Variants in CEP128 observed in about 807,000 individuals in gnomAD.
CEP128 encodes centrosomal protein 128, also known as centrosomal protein 128kDa.
A neutral mutation model predicts 156.7 loss-of-function variants in CEP128; 132 were observed. That is an observed-to-expected ratio of 0.84 (90% CI 0.73 to 0.97). The LOEUF is 0.97. Among genes scored for constraint, CEP128 ranks in the 50% least tolerant of loss-of-function variants. CEP128 has a pLI of 0.00. For missense variants in CEP128, 1,252 were observed against 1,281.9 expected (o/e 0.98, Z 0.36); for synonymous variants, 469 against 448.9 (o/e 1.04, Z -0.57).
chr14:80,572,118 G>C (rs186987084), intron 20 of CEP128, among the ~76,000 whole-genome samples: 3 of 152,280 alleles, frequency 2.0e-5, no homozygotes, highest in Admixed American at 6.5e-5. Flanking sequence ...ATCCTGACGG[G>C]AGTTAGCAAG....
rs1482923532 is a variant in CEP128, at chr14:80,713,668, CCT to C, written c.2806+29405_2806+29406del. Among the ~76,000 whole-genome samples, 3 of 152,238 alleles carry C rather than the reference CCT, an allele frequency of 2.0e-5. No homozygotes were observed. The South Asian group carries it at 6.2e-4, about 32-fold the overall frequency. On this transcript the variant is annotated intron_variant, in intron 19 of 24. Coordinates refer to ENST00000555265, the MANE Select transcript of CEP128 (RefSeq NM_152446.5). ...AAGGTCTTATTGTTCTTTAATCTCCCCTGTTTTGCACATAGTAGATTGATTGT... is the reference window on the plus strand; with the variant it reads ...AAGGTCTTATTGTTCTTTAATCTCCCGTTTTGCACATAGTAGATTGATTGT...
At position 80,596,848 on chromosome 14, in the gene CEP128, G is replaced by T. The variant is rs1327169982; in HGVS notation, c.2807-16425C>A. ...AAAAAAAAAAAAAAAAAAAAGGTGG[G>T]GGGGGGAGGAAAAGAAAAAGAAAAT... On this transcript the variant is annotated intron_variant, in intron 19 of 24. Transcript: ENST00000555265. 2.5e-5 allele frequency among the ~76,000 whole-genome samples: 3 copies of T among 119,836 alleles called. No individual in the cohort carries two copies. In the South Asian group the frequency reaches 7.8e-4, roughly 31 times the overall value. The allele number at this position is 119,836 out of a possible 152,430, so 78.6% of individuals were successfully genotyped here.
chr14:80,660,774 C>T (rs1479608411), intron 19 of CEP128, among the ~76,000 whole-genome samples: 1 of 152,150 alleles, frequency 6.6e-6, no homozygotes, highest in African/African-American at 2.4e-5. Context: ...CTCAAAGTCA[C>T]ATAGCAAGTG....
At chr14:80,619,702 C>T (rs1271151786) in intron 19 of CEP128, among the ~76,000 whole-genome samples, 10 of 119,526 alleles carry the variant, frequency 8.4e-5, no homozygotes, top group African/African-American at 2.7e-4. Flanking sequence ...AACTCTGTCT[C>T]AAGTTAAAAA....
At chr14:80,942,451 T>TA (rs889640630), upstream of CEP128, 3 of 152,170 alleles carry the variant, frequency 2.0e-5, no homozygotes, top group African/African-American at 4.8e-5. Flanking sequence ...AAAACCTCAA[T>TA]AAAAAACTGA....
At chr14:80,506,585 C>T (rs1887987074) in intron 23 of CEP128, among the ~76,000 whole-genome samples, 1 of 151,588 alleles carries the variant, frequency 6.6e-6, no homozygotes, top group Non-Finnish European at 1.5e-5. Context: ...GTTAGGTGGC[C>T]CAGAAAGATT....
At chr14:80,658,842 C>A (rs896278987) in intron 19 of CEP128, among the ~76,000 whole-genome samples, 2 of 152,160 alleles carry the variant, frequency 1.3e-5, no homozygotes, top group African/African-American at 4.8e-5. Flanking sequence ...AGCTACGAAG[C>A]TTTTCTACCA....
At chr14:80,599,883 T>C (rs546791623) in intron 19 of CEP128, among the ~76,000 whole-genome samples, 5 of 152,066 alleles carry the variant, frequency 3.3e-5, no homozygotes, top group Non-Finnish European at 7.4e-5. Context: ...GTAGAGAAAC[T>C]GAAATTTAAA....
chr14:80,835,370 A>G (rs1295378573), intron 12 of CEP128, among the ~76,000 whole-genome samples: 1 of 152,204 alleles, frequency 6.6e-6, no homozygotes, highest in African/African-American at 2.4e-5. Flanking sequence ...TCATCCATTG[A>G]AGATTTTCTG....
In CEP128 at chr14:80,875,210, C is replaced by T. The variant is rs1169027310; in HGVS notation, c.646-12337G>A. On this transcript the variant is annotated intron_variant, in intron 8 of 24. Transcript: ENST00000555265. Reference sequence around the variant, plus strand: ...TGGACTGGAATCCTGAAGGGCTATACGCAAGTAGTAAGGGTGAACCAGAAA... The same window carrying T: ...TGGACTGGAATCCTGAAGGGCTATATGCAAGTAGTAAGGGTGAACCAGAAA... Among the ~76,000 whole-genome samples the T allele has an allele frequency of 3.9e-5, 6 of 152,138 alleles. No individual in the cohort carries two copies. The East Asian group carries it at 9.6e-4, about 24-fold the overall frequency.
chr14:80,639,954 TC>T (rs1318517918), intron 19 of CEP128, among the ~76,000 whole-genome samples: 1 of 152,174 alleles, frequency 6.6e-6, no homozygotes, highest in Non-Finnish European at 1.5e-5. Flanking sequence ...AAGTGACTTT[TC>T]CATGAACTGA....
intron 8 of CEP128, among the ~76,000 whole-genome samples, chr14:80,889,842 C>T (rs1595552832): frequency 6.6e-6 from 1 of 152,078 alleles, no homozygotes; most frequent in Non-Finnish European, 1.5e-5. Flanking sequence ...AACAGGCAAC[C>T]TACAGAATGG....
chr14:80,626,796 G>A (rs1893749620), intron 19 of CEP128, among the ~76,000 whole-genome samples: 2 of 152,248 alleles, frequency 1.3e-5, no homozygotes, highest in African/African-American at 4.8e-5. Context: ...TAGATGTGGT[G>A]GCGGGCACCT....
At chr14:80,548,537 A>C (rs1890082992) in intron 21 of CEP128, among the ~76,000 whole-genome samples, 1 of 152,198 alleles carries the variant, frequency 6.6e-6, no homozygotes, top group South Asian at 2.1e-4. Context: ...AGGCTCTCTT[A>C]AAGAGAGCAG....
intron 19 of CEP128, among the ~76,000 whole-genome samples, chr14:80,669,582 A>G (rs1328559559): frequency 1.3e-5 from 2 of 152,210 alleles, no homozygotes; most frequent in Non-Finnish European, 2.9e-5. Flanking sequence ...CAGCACTAAT[A>G]ATCAGAGAAT....
At chr14:80,630,907 T>C (rs1893933899) in intron 19 of CEP128, among the ~76,000 whole-genome samples, 1 of 152,114 alleles carries the variant, frequency 6.6e-6, no homozygotes, top group East Asian at 1.9e-4. Context: ...AAAATAATTG[T>C]CCATAACATG....
chr14:80,651,595 C>G (rs1382001516), intron 19 of CEP128, among the ~76,000 whole-genome samples: 1 of 152,062 alleles, frequency 6.6e-6, no homozygotes, highest in African/African-American at 2.4e-5. Context: ...TAGCTGTGTC[C>G]CAGAGATTCT....
intron 19 of CEP128, among the ~76,000 whole-genome samples, chr14:80,723,893 A>G (rs557259306): frequency 6.6e-6 from 1 of 152,212 alleles, no homozygotes; most frequent in Admixed American, 6.5e-5. Flanking sequence ...GAAACCTTAC[A>G]CAGTGTCCTG....
chr14:80,835,314 C>T (rs1886018486), intron 12 of CEP128, among the ~76,000 whole-genome samples: 1 of 152,052 alleles, frequency 6.6e-6, no homozygotes, highest in Non-Finnish European at 1.5e-5. Flanking sequence ...TAGTGTAACA[C>T]AAAACAGACT....
Sources: allele counts gnomAD v4.1 joint callset (sites outside exome capture counted in the v4.1 genomes callset), GRCh38; gene constraint gnomAD v4.1.1; transcripts MANE v1.5; gene names NCBI Gene and HGNC (gene_info 2026-07-23, HGNC 2026-07-21).